PTPN9: variants seen among roughly 807,000 people sequenced by gnomAD.
PTPN9 encodes protein tyrosine phosphatase non-receptor type 9, also known as tyrosine-protein phosphatase non-receptor type 9.
A neutral mutation model predicts 69.8 loss-of-function variants in PTPN9; 26 were observed. The observed-to-expected ratio is 0.37, with a 90% CI of 0.27 to 0.52. The LOEUF (loss-of-function observed/expected upper bound fraction) is 0.52, where lower values mean the gene tolerates loss of function less well. Among genes scored for constraint, PTPN9 ranks in the 20% least tolerant of loss-of-function variants. The pLI, the probability that PTPN9 is intolerant of heterozygous loss-of-function variation, is 0.91. For missense variants in PTPN9, 549 were observed against 740.3 expected (o/e 0.74, Z 3.00); for synonymous variants, 274 against 272.5 (o/e 1.01, Z -0.05).
At chr15:75,577,342 T>C (rs976782051) in intron 1 of PTPN9, among the ~76,000 whole-genome samples, 2 of 152,132 alleles carry the variant, frequency 1.3e-5, no homozygotes, top group African/African-American at 2.4e-5. Flanking sequence ...AGCCAACACA[T>C]CCTATCTTAG....
chr15:75,542,046 T>C (rs1406156198), intron 1 of PTPN9, among the ~76,000 whole-genome samples: 2 of 151,210 alleles, frequency 1.3e-5, no homozygotes, highest in African/African-American at 4.9e-5. Flanking sequence ...AAAAATAAAA[T>C]AAAATAAAAT....
intron 8 of PTPN9, among the ~76,000 whole-genome samples, chr15:75,487,063 G>A (rs554138795): frequency 1.3e-5 from 2 of 152,136 alleles, no homozygotes; most frequent in East Asian, 1.9e-4. Context: ...GGGATTACAG[G>A]TGTGAGCCAC....
intron 9 of PTPN9, among the ~76,000 whole-genome samples, chr15:75,477,043 A>C (rs1485635240): frequency 2.0e-5 from 3 of 152,214 alleles, no homozygotes; most frequent in Non-Finnish European, 4.4e-5. Flanking sequence ...TTCTCTCAAG[A>C]AATAAAGTCA....
rs1300943085 is a variant in PTPN9, at chr15:75,527,222, C to CTGT, written c.100_102dup (p.Thr34dup). On this transcript the variant is annotated inframe_insertion, in exon 2 of 13. Coordinates refer to ENST00000618819, the MANE Select transcript of PTPN9 (RefSeq NM_002833.4). ...GACAGCGGGGAAACATTGTACTGAA[C>CTGT]TGTCCACTTGTTAATCTCTTCGAGA... is the stretch of plus-strand genomic sequence containing the variant. The CTGT allele has an allele frequency of 1.2e-5, 19 of 1,614,002 alleles. No homozygotes were observed. Among genetic ancestry groups the CTGT allele is most frequent in the African/African-American group, 2.7e-5 (2 of 74,926 alleles).
At chr15:75,483,119 T>C (rs1383882345) in intron 8 of PTPN9, among the ~76,000 whole-genome samples, 2 of 152,218 alleles carry the variant, frequency 1.3e-5, no homozygotes, top group African/African-American at 4.8e-5. Context: ...TAAACCCTCC[T>C]TATACATGGC....
chr15:75,512,862 C>T (rs1158799060), intron 5 of PTPN9: 1 of 296,830 alleles, frequency 3.4e-6, no homozygotes, highest in African/African-American at 2.2e-5. Context: ...GATGTCCAGA[C>T]AATACCCCAA....
chr15:75,479,949 C>G (rs201726190), intron 8 of PTPN9, 35 bp from the exon 9 acceptor site: 3 of 1,403,564 alleles, frequency 2.1e-6, no homozygotes, highest in East Asian at 4.6e-5. Context: ...TATAGCTACA[C>G]AGAATACACC....
chr15:75,559,016 T>C (rs1036573690), intron 1 of PTPN9, among the ~76,000 whole-genome samples: 8 of 151,858 alleles, frequency 5.3e-5, no homozygotes, highest in African/African-American at 1.7e-4. Context: ...GGATCCCCTC[T>C]GCCCGGCTGC....
At chr15:75,550,676 A>G (rs987036000) in intron 1 of PTPN9, among the ~76,000 whole-genome samples, 1 of 151,914 alleles carries the variant, frequency 6.6e-6, no homozygotes, top group African/African-American at 2.4e-5. Flanking sequence ...AATCCCAACT[A>G]TTAGGGAGGC....
intron 1 of PTPN9, among the ~76,000 whole-genome samples, chr15:75,534,814 A>T (rs2074976328): frequency 6.6e-6 from 1 of 152,042 alleles, no homozygotes; most frequent in Non-Finnish European, 1.5e-5. Flanking sequence ...CTCTACTAAG[A>T]AAACAAAAAT....
chr15:75,526,999 A>AT, intron 2 of PTPN9, 119 bp downstream of exon 2: 3 of 1,323,634 alleles, frequency 2.3e-6, no homozygotes, highest in Non-Finnish European at 2.1e-6. Context: ...ATATGGATCC[A>AT]TTTTTTATGA....
chr15:75,550,172 T>G (rs970169940), intron 1 of PTPN9, among the ~76,000 whole-genome samples: 2 of 151,820 alleles, frequency 1.3e-5, no homozygotes, highest in African/African-American at 4.8e-5. Flanking sequence ...TGGTAGTTTT[T>G]TTTTTTTTTT....
intron 1 of PTPN9, among the ~76,000 whole-genome samples, chr15:75,577,242 T>A (rs2075178074): frequency 6.6e-6 from 1 of 152,244 alleles, no homozygotes; most frequent in Non-Finnish European, 1.5e-5. Context: ...GCTATTTGCA[T>A]AGAATACTGA....
In PTPN9 at chr15:75,469,993, G is replaced by C; in HGVS notation, c.1366C>G (p.Gln456Glu). Residue 456 changes from glutamine (Q) to glutamate (E), a missense_variant, in exon 12 of 13, where the codon CAG (glutamine) becomes GAG (glutamate). Around this residue, in one of 3 missense-constraint regions of PTPN9, gnomAD observed 457 missense variants for 661.9 expected, o/e 0.69. Coordinates refer to ENST00000618819, the MANE Select transcript of PTPN9 (RefSeq NM_002833.4). The stretch of plus-strand genomic sequence containing the variant: ...TGGAAGTGGGTCACCTGGCGTTTCT[G>C]CCGTTCCTTAGATAAGAAAAGAAGT... ...TLEIHNTEER[Q>E]KRQVTHFQFL... 2.5e-6 allele frequency: 4 copies of C among 1,610,946 alleles called. No individual in the cohort carries two copies. The highest frequency in any genetic ancestry group is 3.4e-6 in the Non-Finnish European group (4 of 1,177,128).
At chr15:75,562,100 G>A (rs2075106310) in intron 1 of PTPN9, among the ~76,000 whole-genome samples, 3 of 152,064 alleles carry the variant, frequency 2.0e-5, no homozygotes, top group Non-Finnish European at 4.4e-5. Context: ...TGATCCTCTC[G>A]CCTTGGCTTC....
At chr15:75,560,264 A>G (rs981981450) in intron 1 of PTPN9, among the ~76,000 whole-genome samples, 1 of 152,228 alleles carries the variant, frequency 6.6e-6, no homozygotes, top group Non-Finnish European at 1.5e-5. Flanking sequence ...TAGAGCATTT[A>G]GAAATTAATC....
intron 1 of PTPN9, among the ~76,000 whole-genome samples, chr15:75,568,698 A>T: frequency 6.6e-6 from 1 of 150,556 alleles, no homozygotes; most frequent in Admixed American, 6.6e-5. Context: ...TGTGCCAGGC[A>T]TGGTGGTACA....
intron 1 of PTPN9, among the ~76,000 whole-genome samples, chr15:75,538,278 G>A (rs772655408): frequency 4.6e-5 from 7 of 152,028 alleles, no homozygotes; most frequent in African/African-American, 9.7e-5. Flanking sequence ...CATAGGCCCC[G>A]TAATTTTTTT....
At chr15:75,525,491 G>A (rs2074923491) in intron 2 of PTPN9, among the ~76,000 whole-genome samples, 1 of 151,298 alleles carries the variant, frequency 6.6e-6, no homozygotes, top group Non-Finnish European at 1.5e-5. Context: ...ACCGCGCCCA[G>A]CCTCTTCAGT....
Sources: gnomAD v4.1 joint callset for allele counts (sites outside exome capture counted in the v4.1 genomes callset) on GRCh38, gnomAD v4.1.1 for gene constraint, gnomAD v4.1.1 regional missense constraint, MANE v1.5 for transcripts, NCBI Gene and HGNC (gene_info 2026-07-23, HGNC 2026-07-21) for gene names.